Variants in CHST8 observed in about 807,000 individuals in gnomAD.
CHST8 encodes the protein GALNAC-4-ST1.
In CHST8, 10 loss-of-function variants were observed where a neutral mutation model predicts 15.0. The observed-to-expected ratio is 0.67, with a 90% CI of 0.41 to 1.13. The LOEUF (loss-of-function observed/expected upper bound fraction) is 1.13, where lower values mean the gene tolerates loss of function less well. CHST8 is among the 50% of genes most tolerant of loss of function. CHST8 has a pLI of 0.00. For synonymous variants in CHST8, 259 were observed against 256.6 expected, an observed-to-expected ratio of 1.01 and a Z score of -0.09; for missense variants, 634 against 608.2, an observed-to-expected ratio of 1.04 and a Z score of -0.45.
At chr19:33,766,838 G>A (rs1974857125) in intron 3 of CHST8, among the ~76,000 whole-genome samples, 3 of 152,198 alleles carry the variant, frequency 2.0e-5, no homozygotes, top group Admixed American at 2.0e-4. Flanking sequence ...AATGGGTGTG[G>A]GGCAACCTGC....
chr19:33,653,153 A>G (rs1191350746), intron 1 of CHST8, among the ~76,000 whole-genome samples: 2 of 152,232 alleles, frequency 1.3e-5, no homozygotes, highest in African/African-American at 4.8e-5. Context: ...ACTGCCTCAC[A>G]TAACCCCTTA....
intron 3 of CHST8, among the ~76,000 whole-genome samples, chr19:33,731,695 C>A (rs543190528): frequency 1.3e-5 from 2 of 152,286 alleles, no homozygotes; most frequent in South Asian, 4.1e-4. Context: ...TGGAGTCACT[C>A]TAGTTCAAAC....
At chr19:33,631,203 A>G (rs952157102) in intron 1 of CHST8, among the ~76,000 whole-genome samples, 2 of 152,208 alleles carry the variant, frequency 1.3e-5, no homozygotes, top group African/African-American at 4.8e-5. Flanking sequence ...TGCTGAGGCC[A>G]GAGCTCTTGG....
At chr19:33,708,336 T>C (rs1381374755) in intron 3 of CHST8, among the ~76,000 whole-genome samples, 3 of 152,230 alleles carry the variant, frequency 2.0e-5, no homozygotes, top group African/African-American at 7.2e-5. Flanking sequence ...TTTTCTCTTA[T>C]GTTTTCTTCT....
chr19:33,741,366 G>T (rs1295909366), intron 3 of CHST8, among the ~76,000 whole-genome samples: 2 of 152,186 alleles, frequency 1.3e-5, no homozygotes, highest in Non-Finnish European at 2.9e-5. Flanking sequence ...TGACAAAGAA[G>T]AGTTAAAATA....
chr19:33,750,347 G>T lies in CHST8; in HGVS notation c.131-21066G>T, dbSNP rs374447507. Among the ~76,000 whole-genome samples, 16 of 152,168 alleles carry T rather than the reference G, an allele frequency of 1.1e-4. No individual in the cohort carries two copies. In the East Asian group the frequency reaches 2.5e-3, roughly 24 times the overall value. ...GTGGTCACCAGCATAGGCACACGCT[G>T]GGACAGACCTCAGGGTTTCCTGCTC... On this transcript the variant is annotated intron_variant, in intron 3 of 4. Coordinates refer to ENST00000650847, the MANE Select transcript of CHST8 (RefSeq NM_001127895.2).
intron 1 of CHST8, among the ~76,000 whole-genome samples, chr19:33,627,653 T>G (rs939631212): frequency 7.9e-5 from 12 of 152,210 alleles, no homozygotes; most frequent in Non-Finnish European, 1.2e-4. Flanking sequence ...TGACCAGTGT[T>G]GGCCCTGATG....
intron 3 of CHST8, among the ~76,000 whole-genome samples, chr19:33,706,204 C>T (rs1258530831): frequency 6.6e-6 from 1 of 152,162 alleles, no homozygotes; most frequent in Non-Finnish European, 1.5e-5. Context: ...ATTGGAGGGC[C>T]AGCCTGGGTT....
intron 3 of CHST8, among the ~76,000 whole-genome samples, chr19:33,756,014 C>A (rs181018893): frequency 2.0e-5 from 3 of 152,186 alleles, no homozygotes; most frequent in African/African-American, 4.8e-5. Context: ...CCTCCACCCC[C>A]ACCCAGGCAA....
intron 2 of CHST8, among the ~76,000 whole-genome samples, chr19:33,687,743 G>A (rs575760395): frequency 6.6e-5 from 10 of 152,192 alleles, no homozygotes; most frequent in Admixed American, 2.0e-4. Flanking sequence ...GTGGGGAGTC[G>A]TGGGCAGGGG....
Position 33,756,952 on chromosome 19 carries a change from G to C in CHST8, c.131-14461G>C, listed in dbSNP as rs571422020. On this transcript the variant is annotated intron_variant, in intron 3 of 4. Transcript: ENST00000650847. ...GTGAGTGTGGTATGGGGGTGTGGAGGCAGCCCCGTCTGGCATGGCTGTGAG... is the reference window on the plus strand; with the variant it reads ...GTGAGTGTGGTATGGGGGTGTGGAGCCAGCCCCGTCTGGCATGGCTGTGAG... Among the ~76,000 whole-genome samples, 32 of 152,332 alleles carry C rather than the reference G, an allele frequency of 2.1e-4. No individual in the cohort carries two copies. In the South Asian group the frequency reaches 6.6e-3, roughly 32 times the overall value.
intron 1 of CHST8, among the ~76,000 whole-genome samples, chr19:33,657,217 A>G (rs1568317169): frequency 6.6e-6 from 1 of 151,538 alleles, no homozygotes; most frequent in Non-Finnish European, 1.5e-5. Flanking sequence ...ACACAAACAC[A>G]CACGCATATA....
intron 3 of CHST8, among the ~76,000 whole-genome samples, chr19:33,728,422 C>T (rs1973940821): frequency 6.6e-6 from 1 of 152,182 alleles, no homozygotes; most frequent in Admixed American, 6.5e-5. Flanking sequence ...ATGTCACACC[C>T]CTCAACAGTG....
At chr19:33,652,767 G>A (rs1262491034) in intron 1 of CHST8, among the ~76,000 whole-genome samples, 3 of 152,040 alleles carry the variant, frequency 2.0e-5, no homozygotes, top group Non-Finnish European at 4.4e-5. Flanking sequence ...CTTTCTAAAG[G>A]ATTGATTGTA....
At chr19:33,660,421 G>A (rs1313597871) in intron 1 of CHST8, among the ~76,000 whole-genome samples, 1 of 152,152 alleles carries the variant, frequency 6.6e-6, no homozygotes, top group Non-Finnish European at 1.5e-5. Context: ...AGCTGGTGGT[G>A]CTCATGAGGT....
At chr19:33,730,521 T>C (rs993123096) in intron 3 of CHST8, among the ~76,000 whole-genome samples, 5 of 152,230 alleles carry the variant, frequency 3.3e-5, no homozygotes, top group Non-Finnish European at 7.3e-5. Context: ...TGGCTTATGC[T>C]GCTGCCTACT....
At chr19:33,720,509 C>G (rs578098393) in intron 3 of CHST8, among the ~76,000 whole-genome samples, 7 of 152,278 alleles carry the variant, frequency 4.6e-5, no homozygotes, top group African/African-American at 1.7e-4. Context: ...ACCACATATG[C>G]TTGCCACACA....
At chr19:33,626,522 A>G (rs1568306592) in intron 1 of CHST8, among the ~76,000 whole-genome samples, 1 of 152,242 alleles carries the variant, frequency 6.6e-6, no homozygotes, top group Admixed American at 6.5e-5. Context: ...GAGGTAGGTC[A>G]TGGGGGTGGC....
rs375684925 is a variant in CHST8, at chr19:33,680,058, A to G, written c.-86-9118A>G. Among the ~76,000 whole-genome samples, 30 of 151,750 alleles carry G rather than the reference A, an allele frequency of 2.0e-4. No individual in the cohort carries two copies. The East Asian group carries it at 5.3e-3, about 27-fold the overall frequency. ...CTACATCCCTATTCCACTTCTTCCC[A>G]CTCCAGCTTCCTCCCTTTTCCCTTT... On this transcript the variant is annotated intron_variant, in intron 2 of 4. Coordinates refer to ENST00000650847, the MANE Select transcript of CHST8 (RefSeq NM_001127895.2).
Sources: allele counts gnomAD v4.1 joint callset (sites outside exome capture counted in the v4.1 genomes callset), GRCh38; gene constraint gnomAD v4.1.1; transcripts MANE v1.5; gene names NCBI Gene and HGNC (gene_info 2026-07-23, HGNC 2026-07-21).